DLGAP2: variants seen among roughly 807,000 people sequenced by gnomAD.
DLGAP2 encodes DLG associated protein 2.
A neutral mutation model predicts 100.3 loss-of-function variants in DLGAP2; 26 were observed. That is an observed-to-expected ratio of 0.26 (90% CI 0.19 to 0.36). The LOEUF (loss-of-function observed/expected upper bound fraction) is 0.36. Among genes scored for constraint, DLGAP2 ranks in the 10% least tolerant of loss-of-function variants. The probability of loss-of-function intolerance (pLI) is 1.00; values close to 1 mark genes in which losing one functional copy is unlikely to be tolerated. For missense variants in DLGAP2, 1,858 were observed against 1,453.2 expected (o/e 1.28, Z -4.53); for synonymous variants, 886 against 630.1 (o/e 1.41, Z -6.08).
At chr8:783,277 T>C (rs1023419180) in intron 1 of DLGAP2, among the ~76,000 whole-genome samples, 8 of 152,244 alleles carry the variant, frequency 5.3e-5, no homozygotes, top group African/African-American at 1.9e-4. Context: ...GCCTGCACTC[T>C]GTTCCCTTGG....
chr8:1,295,427 G>A lies in DLGAP2; in HGVS notation c.106+36544G>A, dbSNP rs557975059. 2.2e-4 allele frequency among the ~76,000 whole-genome samples: 33 copies of A among 152,288 alleles called. 1 individual carries two copies. In the South Asian group the frequency reaches 6.4e-3, roughly 30 times the overall value. On this transcript the variant is annotated intron_variant, in intron 3 of 14. Coordinates refer to ENST00000637795, the MANE Select transcript of DLGAP2 (RefSeq NM_001346810.2). ...TCTCCCTGGGAAGCTTCTTCCGGCC[G>A]CCAGGAGGGGAGGGAAGCCAGGAAA... is the stretch of plus-strand genomic sequence containing the variant.
intron 2 of DLGAP2, among the ~76,000 whole-genome samples, chr8:1,190,206 C>T (rs1464655891): frequency 6.6e-6 from 1 of 152,194 alleles, no homozygotes; most frequent in Non-Finnish European, 1.5e-5. Flanking sequence ...CAGACCCAGA[C>T]CTCTTCCAGA....
intron 2 of DLGAP2, among the ~76,000 whole-genome samples, chr8:1,221,760 A>G (rs1282946782): frequency 6.6e-6 from 1 of 152,114 alleles, no homozygotes; most frequent in African/African-American, 2.4e-5. Context: ...CTCTCTTTAC[A>G]TTCTCACATA....
At chr8:1,104,589 G>C (rs777274666) in intron 2 of DLGAP2, among the ~76,000 whole-genome samples, 1 of 152,184 alleles carries the variant, frequency 6.6e-6, no homozygotes, top group Non-Finnish European at 1.5e-5. Context: ...GCCTGGCCGA[G>C]GCGTTTGCTG....
At chr8:1,558,065 G>A (rs1173323236) in intron 5 of DLGAP2, among the ~76,000 whole-genome samples, 1 of 152,226 alleles carries the variant, frequency 6.6e-6, no homozygotes, top group African/African-American at 2.4e-5. Context: ...CCTCCTGGCA[G>A]GTTGGAGCAG....
intron 2 of DLGAP2, among the ~76,000 whole-genome samples, chr8:1,221,475 C>T (rs1315167630): frequency 2.0e-5 from 3 of 152,162 alleles, no homozygotes; most frequent in Admixed American, 2.0e-4. Context: ...CCACTGTTAG[C>T]CTGATGGGGT....
At chr8:1,064,270 A>T (rs145678377) in intron 2 of DLGAP2, among the ~76,000 whole-genome samples, 18 of 152,366 alleles carry the variant, frequency 1.2e-4, no homozygotes, top group African/African-American at 4.1e-4. Flanking sequence ...GTTAAAACAA[A>T]ACTGGATAAC....
chr8:830,129 T>A (rs1172433129), intron 1 of DLGAP2, among the ~76,000 whole-genome samples: 2 of 152,190 alleles, frequency 1.3e-5, no homozygotes, highest in African/African-American at 4.8e-5. Flanking sequence ...ATATTATACA[T>A]GTAACATTTG....
At chr8:1,359,735 C>T (rs1186408276) in intron 3 of DLGAP2, among the ~76,000 whole-genome samples, 1 of 152,340 alleles carries the variant, frequency 6.6e-6, no homozygotes, top group South Asian at 2.1e-4. Context: ...CCCTGCGCAG[C>T]GTGGGACTGT....
chr8:1,340,554 C>T (rs1351470840), intron 3 of DLGAP2, among the ~76,000 whole-genome samples: 1 of 152,120 alleles, frequency 6.6e-6, no homozygotes, highest in African/African-American at 2.4e-5. Context: ...GTCAGAATGG[C>T]GGTTATTAAA....
intron 4 of DLGAP2, among the ~76,000 whole-genome samples, chr8:1,514,334 C>G (rs1053209288): frequency 1.3e-5 from 2 of 152,222 alleles, no homozygotes; most frequent in African/African-American, 2.4e-5. Flanking sequence ...CCCCAACAGC[C>G]CAGGTGTTTT....
At chr8:1,204,629 A>G (rs6985303) in intron 2 of DLGAP2, among the ~76,000 whole-genome samples, 85,098 of 150,630 alleles carry the variant, frequency 0.56, 26,714 homozygotes, top group African/African-American at 0.83. Context: ...CAGGCTGGGA[A>G]CTGCATGTTG....
chr8:758,442 T>C (rs996407636), intron 1 of DLGAP2, among the ~76,000 whole-genome samples: 2 of 152,188 alleles, frequency 1.3e-5, no homozygotes, highest in African/African-American at 4.8e-5. Context: ...CATTTGCGTA[T>C]AGTTTACAAA....
At chr8:1,447,612 G>T (rs1347325357) in intron 3 of DLGAP2, among the ~76,000 whole-genome samples, 1 of 152,208 alleles carries the variant, frequency 6.6e-6, no homozygotes, top group Non-Finnish European at 1.5e-5. Flanking sequence ...AAATGAGTTT[G>T]TGAGGATTCC....
chr8:831,716 T>C (rs758694094), intron 1 of DLGAP2, among the ~76,000 whole-genome samples: 7 of 152,214 alleles, frequency 4.6e-5, no homozygotes, highest in Non-Finnish European at 1.0e-4. Flanking sequence ...TTTATAATCC[T>C]TTGGGTATAT....
chr8:1,485,410 C>G (rs913048465), intron 3 of DLGAP2, among the ~76,000 whole-genome samples: 4 of 152,120 alleles, frequency 2.6e-5, no homozygotes, highest in African/African-American at 9.7e-5. Flanking sequence ...TCAAGGAAAA[C>G]CAGTTGAGAG....
intron 6 of DLGAP2, among the ~76,000 whole-genome samples, chr8:1,616,014 GAGA>G (rs141232059): frequency 0.019 from 2,904 of 152,230 alleles, 85 homozygotes; most frequent in African/African-American, 0.065. Flanking sequence ...GATGTTAAAG[GAGA>G]AGAAGGTCTT....
chr8:947,848 G>A (rs1799367684), intron 2 of DLGAP2, among the ~76,000 whole-genome samples: 1 of 141,774 alleles, frequency 7.1e-6, no homozygotes, highest in African/African-American at 2.7e-5. Context: ...CCCCGTGCCA[G>A]CCCATGTGTG....
At chr8:976,472 C>T (rs547351959) in intron 2 of DLGAP2, among the ~76,000 whole-genome samples, 4 of 152,010 alleles carry the variant, frequency 2.6e-5, no homozygotes, top group Non-Finnish European at 2.9e-5. Flanking sequence ...ATTAGCTGGG[C>T]GTGGTGGCAG....
Sources: allele counts gnomAD v4.1 joint callset (sites outside exome capture counted in the v4.1 genomes callset), GRCh38; gene constraint gnomAD v4.1.1; transcripts MANE v1.5; gene names NCBI Gene and HGNC (gene_info 2026-07-23, HGNC 2026-07-21).